CD244: variants seen among roughly 807,000 people sequenced by gnomAD.
CD244 encodes natural killer cell receptor 2B4.
CD244 carries 20 observed loss-of-function variants against 45.5 expected under a neutral mutation model. The ratio of observed to expected loss-of-function variants is 0.44; its 90% CI spans 0.31 to 0.64. CD244 has a LOEUF of 0.64. Ranked by LOEUF, CD244 falls within the 30% of genes least tolerant of loss-of-function variation. The probability of loss-of-function intolerance (pLI) is 0.08; values close to 1 mark genes in which losing one functional copy is unlikely to be tolerated. For missense variants in CD244, 407 were observed against 426.9 expected (o/e 0.95, Z 0.41); for synonymous variants, 185 against 160.5 (o/e 1.15, Z -1.15).
chr1:160,832,422 C>T, intron 8 of CD244, 97 bp downstream of exon 8: 1 of 756,234 alleles, frequency 1.3e-6, no homozygotes, highest in Non-Finnish European at 2.2e-6. Flanking sequence ...AACTCTGAGA[C>T]TGTGTGAATG....
intron 1 of CD244, among the ~76,000 whole-genome samples, chr1:160,858,267 G>A (rs1049358420): frequency 6.6e-6 from 1 of 152,036 alleles, no homozygotes; most frequent in Non-Finnish European, 1.5e-5. Context: ...AACGACTCCA[G>A]CCCTTCTACA....
At chr1:160,835,051 G>C (rs1669281358) in intron 6 of CD244, among the ~76,000 whole-genome samples, 1 of 152,028 alleles carries the variant, frequency 6.6e-6, no homozygotes, top group Non-Finnish European at 1.5e-5. Context: ...GATTTTCTTT[G>C]CCCCACAGCT....
chr1:160,861,570 C>A (rs895812325), intron 1 of CD244, among the ~76,000 whole-genome samples: 1 of 152,084 alleles, frequency 6.6e-6, no homozygotes, highest in Non-Finnish European at 1.5e-5. Flanking sequence ...GTGGCTCACA[C>A]CTGTAATCCC....
chr1:160,838,942 A>T lies in CD244; in HGVS notation c.763T>A (p.Ser255Thr). 6.2e-7 allele frequency: 1 copy of T among 1,610,382 alleles called. No individual in the cohort carries two copies. The highest frequency in any genetic ancestry group is 8.5e-7 in the Non-Finnish European group (1 of 1,177,016). Residue 255 changes from serine to threonine, a missense_variant, in exon 4 of 9, where the codon TCA (serine) becomes ACA (threonine). Transcript: ENST00000368034. ...ACCCTAAGGACCTTCCACTCACCTG[A>T]CTGCTTCTCCTTCCTCTTTCTCCTC... ...VWRRKRKEKQ[S>T]ETSPKEFLTI...
At chr1:160,853,637 A>T (rs1247140186) in intron 1 of CD244, among the ~76,000 whole-genome samples, 1 of 152,134 alleles carries the variant, frequency 6.6e-6, no homozygotes, top group African/African-American at 2.4e-5. Context: ...ACATTACCAT[A>T]GCAAGTGAAT....
At chr1:160,862,543 C>T in intron 1 of CD244, 74 bp downstream of exon 1, 3 of 1,350,288 alleles carry the variant, frequency 2.2e-6, no homozygotes, top group Non-Finnish European at 1.1e-6. Context: ...CAAGCAGAGG[C>T]TCTGGCTCTG....
intron 1 of CD244, among the ~76,000 whole-genome samples, chr1:160,861,961 T>C (rs927243520): frequency 6.6e-6 from 1 of 152,210 alleles, no homozygotes; most frequent in Non-Finnish European, 1.5e-5. Context: ...GGAGCAGCCC[T>C]CAGCTGGGAT....
intron 6 of CD244, 92 bp from the exon 7 acceptor site, chr1:160,834,208 C>A: frequency 1.0e-6 from 1 of 956,072 alleles, no homozygotes; most frequent in Non-Finnish European, 1.7e-6. Context: ...CTCAACCCTG[C>A]CCAGATGGAA....
In CD244 at chr1:160,838,828, G is replaced by A. The variant is rs547194401; in HGVS notation, c.766+111C>T. 3.8e-4 allele frequency: 276 copies of A among 732,804 alleles called. 1 individual carries two copies. The East Asian group carries it at 7.0e-3, about 19-fold the overall frequency. The allele number at this position is 732,804 out of a possible 1,614,324, so 45.4% of individuals were successfully genotyped here. ...CACGCACACAAACATACCAAAGCTCGTTGAGGAAAAGGAGATGCTGTGCTC... is the reference window on the plus strand; with the variant it reads ...CACGCACACAAACATACCAAAGCTCATTGAGGAAAAGGAGATGCTGTGCTC... On this transcript the variant is annotated intron_variant, in intron 4 of 8. Transcript: ENST00000368034.
chr1:160,845,761 C>T (rs1669710498), intron 1 of CD244, among the ~76,000 whole-genome samples: 1 of 151,440 alleles, frequency 6.6e-6, no homozygotes, highest in Admixed American at 6.6e-5. Flanking sequence ...GAGGCTGAGG[C>T]AGGAGAATCA....
chr1:160,862,816 A>G lies in CD244; in HGVS notation c.-139T>C. 1.5e-6 allele frequency: 1 copy of G among 646,888 alleles called. No individual in the cohort carries two copies. The highest frequency in any genetic ancestry group is 2.7e-5 in the Admixed American group (1 of 36,434). The allele number at this position is 646,888 out of a possible 1,614,324, so 40.1% of individuals were successfully genotyped here. A position where few individuals can be genotyped will look rare whatever the true frequency, so the allele number is the denominator to read the frequency against. On this transcript the variant is annotated 5_prime_UTR_variant, in exon 1 of 9. Transcript: ENST00000368034. ...CAACCTGTCCAGCCACAGTTTCCTC[A>G]ATTAGAGGCTGTTAACGCCTGCTGT...
intron 7 of CD244, among the ~76,000 whole-genome samples, chr1:160,832,891 C>T (rs71517284): frequency 0.48 from 67,643 of 141,670 alleles, 16,999 homozygotes; most frequent in Middle Eastern, 0.58. Flanking sequence ...TATATATACA[C>T]ACACACATAT....
chr1:160,844,981 A>C (rs1204314688), intron 1 of CD244, among the ~76,000 whole-genome samples: 1 of 152,146 alleles, frequency 6.6e-6, no homozygotes, highest in African/African-American at 2.4e-5. Context: ...AATCTCAAAA[A>C]ACAATAAAAA....
At chr1:160,851,875 C>G (rs916477528) in intron 1 of CD244, among the ~76,000 whole-genome samples, 2 of 151,956 alleles carry the variant, frequency 1.3e-5, no homozygotes, top group African/African-American at 4.8e-5. Flanking sequence ...CACACACACA[C>G]AAAAATAAAT....
At chr1:160,832,714 GT>G in intron 7 of CD244, 139 bp from the exon 8 acceptor site, 1 of 1,524,040 alleles carries the variant, frequency 6.6e-7, no homozygotes, top group South Asian at 1.2e-5. Flanking sequence ...AATAGAATCT[GT>G]CACCCTAGGA....
At chr1:160,855,250 G>A (rs1039956237) in intron 1 of CD244, among the ~76,000 whole-genome samples, 8 of 152,172 alleles carry the variant, frequency 5.3e-5, no homozygotes, top group Non-Finnish European at 1.2e-4. Flanking sequence ...ACCTTTTGGG[G>A]AACAGGAGAA....
rs375871180 is a variant in CD244, at chr1:160,838,440, G to T, written c.834+11C>A. The T allele has an allele frequency of 6.2e-7, 1 of 1,605,098 alleles. No homozygotes were observed. The highest frequency in any genetic ancestry group is 1.7e-5 in the Admixed American group (1 of 60,002). ...CAGCTGAGAGAGACCCCAGCCTCCG[G>T]GATGACATACGTGATTTCTCCTGGT... On this transcript the variant is annotated intron_variant, in intron 5 of 8. Transcript: ENST00000368034.
chr1:160,841,046 C>T (rs1037166646), intron 3 of CD244, among the ~76,000 whole-genome samples, 164 bp downstream of exon 3: 2 of 152,230 alleles, frequency 1.3e-5, no homozygotes, highest in Non-Finnish European at 2.9e-5. Context: ...CCTAGCTTTA[C>T]AGGAACTGTG....
chr1:160,844,765 G>A (rs147341221), intron 1 of CD244, among the ~76,000 whole-genome samples: 48 of 152,144 alleles, frequency 3.2e-4, no homozygotes, highest in African/African-American at 9.4e-4. Context: ...ACTCAAGGTC[G>A]GGAGTTCGAG....
Sources: allele counts gnomAD v4.1 joint callset (sites outside exome capture counted in the v4.1 genomes callset), GRCh38; gene constraint gnomAD v4.1.1; transcripts MANE v1.5; gene names NCBI Gene and HGNC (gene_info 2026-07-23, HGNC 2026-07-21).